The following ADCY10 variants were observed in gnomAD, a reference collection of about 807,000 sequenced individuals.
ADCY10 encodes the protein adenylate cyclase type 10.
A neutral mutation model predicts 183.3 loss-of-function variants in ADCY10; 156 were observed. The ratio of observed to expected loss-of-function variants is 0.85; its 90% CI spans 0.75 to 0.97. The LOEUF is 0.97. Among genes scored for constraint, ADCY10 ranks in the 50% least tolerant of loss-of-function variants. The probability of loss-of-function intolerance (pLI) is 0.00; values close to 1 mark genes in which losing one functional copy is unlikely to be tolerated. For synonymous variants in ADCY10, 645 were observed against 670.0 expected (o/e 0.96, Z 0.58); for missense variants, 1,745 against 1,934.3 (o/e 0.90, Z 1.84).
At chr1:167,844,691 T>G (rs1380519966) in intron 21 of ADCY10, among the ~76,000 whole-genome samples, 1 of 152,190 alleles carries the variant, frequency 6.6e-6, no homozygotes, top group Non-Finnish European at 1.5e-5. Context: ...AGAAGGCACA[T>G]GAAATGGAGA....
chr1:167,867,326 C>T (rs1053903649), intron 14 of ADCY10, among the ~76,000 whole-genome samples: 12 of 152,014 alleles, frequency 7.9e-5, no homozygotes, highest in Non-Finnish European at 1.2e-4. Flanking sequence ...CACGCACGGC[C>T]GAAGCATGAG....
chr1:167,861,250 G>A (rs1267540786), intron 14 of ADCY10, among the ~76,000 whole-genome samples, 187 bp from the exon 15 acceptor site: 1 of 152,106 alleles, frequency 6.6e-6, no homozygotes, highest in African/African-American at 2.4e-5. Flanking sequence ...CCTAAGCCCT[G>A]ATTAATTTAA....
intron 14 of ADCY10, among the ~76,000 whole-genome samples, chr1:167,868,049 C>A (rs1006284343): frequency 2.0e-5 from 3 of 152,132 alleles, no homozygotes; most frequent in African/African-American, 7.2e-5. Flanking sequence ...AGGACTAGAT[C>A]CTAGAGTAAA....
intron 14 of ADCY10, among the ~76,000 whole-genome samples, chr1:167,861,954 G>A (rs1366392957): frequency 2.6e-5 from 4 of 152,156 alleles, no homozygotes; most frequent in East Asian, 1.9e-4. Context: ...TGTAAGACAT[G>A]CCTTGCTTCC....
chr1:167,905,352 A>T (rs553834505), intron 1 of ADCY10, among the ~76,000 whole-genome samples, 154 bp from the exon 2 acceptor site: 18 of 152,346 alleles, frequency 1.2e-4, no homozygotes, highest in Admixed American at 8.5e-4. Flanking sequence ...GCCAATTTCT[A>T]TACAGAGGAA....
intron 17 of ADCY10, 73 bp downstream of exon 17, chr1:167,856,092 G>A: frequency 6.5e-7 from 1 of 1,539,940 alleles, no homozygotes. Flanking sequence ...CACATACTAA[G>A]AAATCTGATG....
At chr1:167,900,976 A>C (rs994529160) in intron 5 of ADCY10, among the ~76,000 whole-genome samples, 1 of 152,182 alleles carries the variant, frequency 6.6e-6, no homozygotes, top group Non-Finnish European at 1.5e-5. Context: ...GCGGAAGCTA[A>C]CACCAACAGC....
chr1:167,813,815 A>T (rs1441344650), intron 31 of ADCY10, among the ~76,000 whole-genome samples: 1 of 152,174 alleles, frequency 6.6e-6, no homozygotes, highest in Admixed American at 6.5e-5. Flanking sequence ...TTATTCATTT[A>T]TGTTTTGGGG....
intron 1 of ADCY10, among the ~76,000 whole-genome samples, chr1:167,906,393 G>A (rs959298647): frequency 6.6e-6 from 1 of 152,004 alleles, no homozygotes; most frequent in Non-Finnish European, 1.5e-5. Flanking sequence ...CATTAAAAAT[G>A]CAGCAAAAGA....
intron 3 of ADCY10, 150 bp downstream of exon 3, chr1:167,903,737 T>C: frequency 1.5e-6 from 1 of 658,792 alleles, no homozygotes. Flanking sequence ...TTATACTATA[T>C]CATATTTCAA....
At chr1:167,879,902 T>C (rs1015382313) in intron 11 of ADCY10, among the ~76,000 whole-genome samples, 2 of 152,160 alleles carry the variant, frequency 1.3e-5, no homozygotes, top group African/African-American at 4.8e-5. Flanking sequence ...TGCTCCCCTC[T>C]CATGACTACA....
At chr1:167,863,866 C>A (rs1209109729) in intron 14 of ADCY10, among the ~76,000 whole-genome samples, 4 of 152,252 alleles carry the variant, frequency 2.6e-5, no homozygotes, top group Non-Finnish European at 5.9e-5. Context: ...AACTTGCCCA[C>A]TCCATTTGAG....
At chr1:167,821,890 G>T in intron 30 of ADCY10, 134 bp downstream of exon 30, 2 of 732,618 alleles carry the variant, frequency 2.7e-6, no homozygotes, top group Non-Finnish European at 4.9e-6. Flanking sequence ...GTCTCTCTGT[G>T]TAAATATCCT....
chr1:167,862,243 A>T (rs1236468382), intron 14 of ADCY10, among the ~76,000 whole-genome samples: 1 of 152,210 alleles, frequency 6.6e-6, no homozygotes, highest in Non-Finnish European at 1.5e-5. Context: ...TCAAAGTGTG[A>T]CCTTATTTGA....
intron 21 of ADCY10, among the ~76,000 whole-genome samples, chr1:167,837,530 C>A (rs959475593): frequency 3.9e-5 from 6 of 152,150 alleles, no homozygotes; most frequent in African/African-American, 1.2e-4. Context: ...CACCTCTAGG[C>A]TAAGATGGTT....
chr1:167,900,580 T>C (rs1394497232), intron 5 of ADCY10, among the ~76,000 whole-genome samples: 1 of 152,242 alleles, frequency 6.6e-6, no homozygotes, highest in Non-Finnish European at 1.5e-5. Flanking sequence ...TTGCCCAGGC[T>C]GGAGTGCAAT....
At chr1:167,902,185 T>A in intron 3 of ADCY10, 131 bp from the exon 4 acceptor site, 1 of 935,310 alleles carries the variant, frequency 1.1e-6, no homozygotes. Context: ...ATACTAAAGA[T>A]CTCATCCCAG....
chr1:167,829,487 G>A, intron 25 of ADCY10, 64 bp from the exon 26 acceptor site: 1 of 1,594,162 alleles, frequency 6.3e-7, no homozygotes. Context: ...ATTTAGGGGA[G>A]CACAGGTACA....
chr1:167,816,838 T>C (rs1027775335), intron 31 of ADCY10, among the ~76,000 whole-genome samples: 1 of 152,198 alleles, frequency 6.6e-6, no homozygotes, highest in Non-Finnish European at 1.5e-5. Flanking sequence ...GGAAAATATG[T>C]AGTTCAGAAA....
Sources: allele counts gnomAD v4.1 joint callset (sites outside exome capture counted in the v4.1 genomes callset), GRCh38; gene constraint gnomAD v4.1.1; transcripts MANE v1.5; gene names NCBI Gene and HGNC (gene_info 2026-07-23, HGNC 2026-07-21).